Variants in KIAA1217 observed in about 807,000 individuals in gnomAD.
KIAA1217 encodes sickle tail protein homolog.
KIAA1217 carries 88 observed loss-of-function variants against 163.9 expected under a neutral mutation model. The ratio of observed to expected loss-of-function variants is 0.54; its 90% CI spans 0.45 to 0.64. KIAA1217 has a LOEUF of 0.64. KIAA1217 is among the 30% of genes least tolerant of loss of function. The pLI is 0.00. For missense variants in KIAA1217, 2,372 were observed against 2,475.0 expected (o/e 0.96, Z 0.88); for synonymous variants, 903 against 923.1 (o/e 0.98, Z 0.39).
intron 2 of KIAA1217, among the ~76,000 whole-genome samples, chr10:24,322,604 C>T (rs904859707): frequency 6.6e-6 from 1 of 152,168 alleles, no homozygotes; most frequent in Non-Finnish European, 1.5e-5. Context: ...GAAACATATA[C>T]ACCTACTGTG....
In KIAA1217 at chr10:23,956,900, C is replaced by T. The variant is rs77552042; in HGVS notation, c.-320-50325C>T. On this transcript the variant is annotated intron_variant, in intron 1 of 18. Transcript: ENST00000376462. Reference sequence around the variant, plus strand: ...TCCATCCCCATCCCCAAATACCTCCCACCAGTCTCCACTTCCAAAACTGGG... The same window carrying T: ...TCCATCCCCATCCCCAAATACCTCCTACCAGTCTCCACTTCCAAAACTGGG... Among the ~76,000 whole-genome samples the T allele has an allele frequency of 6.9e-3, 1,045 of 152,222 alleles. 11 individuals are homozygous for T. Among genetic ancestry groups the T allele is most frequent in the African/African-American group, 0.024 (1,007 of 41,524 alleles).
At chr10:23,910,642 A>G (rs1445645311) in intron 1 of KIAA1217, among the ~76,000 whole-genome samples, 3 of 152,216 alleles carry the variant, frequency 2.0e-5, no homozygotes, top group Non-Finnish European at 4.4e-5. Flanking sequence ...TCAAGTTGTG[A>G]TGAATGTCAA....
At chr10:24,368,283 C>T (rs1287097814) in intron 2 of KIAA1217, among the ~76,000 whole-genome samples, 4 of 152,156 alleles carry the variant, frequency 2.6e-5, no homozygotes, top group African/African-American at 9.7e-5. Flanking sequence ...TGAGCTCTTC[C>T]CTACAACTTC....
intron 2 of KIAA1217, among the ~76,000 whole-genome samples, chr10:24,171,072 G>C (rs945558693): frequency 2.0e-5 from 3 of 152,202 alleles, no homozygotes; most frequent in Non-Finnish European, 4.4e-5. Flanking sequence ...GCTTAGATTG[G>C]TAGCATCAAT....
At chr10:23,815,775 A>C (rs1837289232) in intron 1 of KIAA1217, among the ~76,000 whole-genome samples, 1 of 152,258 alleles carries the variant, frequency 6.6e-6, no homozygotes. Flanking sequence ...GTTTGAGTGC[A>C]TTTTAAATGT....
intron 2 of KIAA1217, among the ~76,000 whole-genome samples, chr10:24,052,372 G>C (rs1274300491): frequency 6.6e-6 from 1 of 152,088 alleles, no homozygotes; most frequent in Non-Finnish European, 1.5e-5. Context: ...GCTTTAACTA[G>C]AGTGGAAACT....
chr10:24,341,951 T>A (rs2047154443), intron 2 of KIAA1217, among the ~76,000 whole-genome samples: 1 of 152,216 alleles, frequency 6.6e-6, no homozygotes, highest in Admixed American at 6.5e-5. Context: ...TGATGTTGTT[T>A]GAAAAGAGTG....
chr10:24,156,688 G>A (rs553935509), intron 2 of KIAA1217, among the ~76,000 whole-genome samples: 3 of 152,240 alleles, frequency 2.0e-5, no homozygotes, highest in East Asian at 3.9e-4. Flanking sequence ...CCCCAGGGCT[G>A]AGTACCAGAA....
intron 15 of KIAA1217, among the ~76,000 whole-genome samples, chr10:24,532,672 C>A (rs942126664): frequency 6.6e-6 from 1 of 152,132 alleles, no homozygotes; most frequent in Non-Finnish European, 1.5e-5. Flanking sequence ...ACGGTCCGAT[C>A]TCGTGAGACT....
At chr10:24,265,001 C>A (rs1302817289) in intron 2 of KIAA1217, among the ~76,000 whole-genome samples, 1 of 152,086 alleles carries the variant, frequency 6.6e-6, no homozygotes, top group Non-Finnish European at 1.5e-5. Flanking sequence ...CAAGTGTGTG[C>A]CACTACCCAC....
rs367800257 is a variant in KIAA1217, at chr10:24,544,947, C to T, written c.5212-34C>T. On this transcript the variant is annotated intron_variant, in intron 19 of 20. Coordinates refer to ENST00000376454, the MANE Select transcript of KIAA1217 (RefSeq NM_019590.5). ...CAGATGACCTACTCATGCGCTTCTC[C>T]TTCTCTTCCCCCTCTCACTGGTCCT... is the stretch of plus-strand genomic sequence containing the variant. The T allele has an allele frequency of 2.9e-5, 46 of 1,605,824 alleles. No homozygotes were observed. In the African/African-American group the frequency reaches 4.3e-4, roughly 15 times the overall value.
intron 2 of KIAA1217, among the ~76,000 whole-genome samples, chr10:24,037,960 T>C (rs541811626): frequency 2.0e-4 from 31 of 152,336 alleles, no homozygotes; most frequent in Admixed American, 1.4e-3. Context: ...ATCTTAGTAG[T>C]GTATGTATTT....
chr10:24,390,513 G>C (rs1265526902), intron 3 of KIAA1217, among the ~76,000 whole-genome samples: 1 of 145,580 alleles, frequency 6.9e-6, no homozygotes. Context: ...AGGAAGGAAG[G>C]AAGGAAGGAA....
At chr10:24,381,979 A>C (rs1457522965) in intron 3 of KIAA1217, among the ~76,000 whole-genome samples, 1 of 151,780 alleles carries the variant, frequency 6.6e-6, no homozygotes, top group Admixed American at 6.6e-5. Context: ...TCTGAAAGGC[A>C]GAAGGATTCT....
chr10:23,974,448 T>A (rs935790782), intron 1 of KIAA1217, among the ~76,000 whole-genome samples: 31 of 152,118 alleles, frequency 2.0e-4, no homozygotes, highest in African/African-American at 7.5e-4. Context: ...CTTCTACAAA[T>A]GCGGTTATTA....
intron 2 of KIAA1217, among the ~76,000 whole-genome samples, chr10:24,379,734 A>T (rs1040024507): frequency 6.6e-6 from 1 of 152,106 alleles, no homozygotes; most frequent in Admixed American, 6.5e-5. Flanking sequence ...TGGCTAAAGA[A>T]TTGTCAGGGT....
At chr10:24,518,736 G>A (rs1385918139) in intron 10 of KIAA1217, among the ~76,000 whole-genome samples, 1 of 152,134 alleles carries the variant, frequency 6.6e-6, no homozygotes, top group Non-Finnish European at 1.5e-5. Flanking sequence ...CAATCTCTTC[G>A]TGTCAAGAAT....
chr10:23,756,238 C>T (rs1386340227), intron 1 of KIAA1217, among the ~76,000 whole-genome samples: 1 of 151,770 alleles, frequency 6.6e-6, no homozygotes, highest in African/African-American at 2.4e-5. Flanking sequence ...GCTGGGATTA[C>T]AGGCATGAGC....
At chr10:23,839,349 T>C (rs1244077913) in intron 1 of KIAA1217, among the ~76,000 whole-genome samples, 1 of 152,208 alleles carries the variant, frequency 6.6e-6, no homozygotes, top group Non-Finnish European at 1.5e-5. Context: ...AAGATGACAT[T>C]TCTCTTTTTT....
Sources: allele counts gnomAD v4.1 joint callset (sites outside exome capture counted in the v4.1 genomes callset), GRCh38; gene constraint gnomAD v4.1.1; transcripts MANE v1.5; gene names NCBI Gene and HGNC (gene_info 2026-07-23, HGNC 2026-07-21).